EYS: variants seen among roughly 807,000 people sequenced by gnomAD.
EYS encodes protein eyes shut homolog.
In EYS, 250 loss-of-function variants were observed where a neutral mutation model predicts 282.1. The observed-to-expected ratio is 0.89, with a 90% CI of 0.80 to 0.98. EYS has a LOEUF of 0.98. Ranked by LOEUF, EYS falls within the 50% of genes least tolerant of loss-of-function variation. EYS has a pLI of 0.00. For synonymous variants in EYS, 1,355 were observed against 1,282.9 expected (o/e 1.06, Z -1.20); for missense variants, 4,016 against 3,709.0 (o/e 1.08, Z -2.15).
rs749865966 is a variant in EYS, at chr6:64,389,488, T to C, written c.5928-648A>G. 1.1e-4 allele frequency among the ~76,000 whole-genome samples: 17 copies of C among 152,308 alleles called. No homozygotes were observed. The East Asian group carries it at 2.3e-3, about 21-fold the overall frequency. ...TTTAACTAATTGTTTAATCCAGAGA[T>C]TGGCAAACTATACCCTAGGCCAAAT... On this transcript the variant is annotated intron_variant, in intron 28 of 42. Coordinates refer to ENST00000503581, the MANE Select transcript of EYS (RefSeq NM_001142800.2).
intron 13 of EYS, among the ~76,000 whole-genome samples, chr6:65,034,021 A>G (rs1772689576): frequency 6.6e-6 from 1 of 152,148 alleles, no homozygotes. Context: ...TAGATGCAGG[A>G]TATGGAGGCA....
intron 14 of EYS, among the ~76,000 whole-genome samples, chr6:64,967,499 G>A (rs1430513918): frequency 6.6e-6 from 1 of 151,998 alleles, no homozygotes; most frequent in Non-Finnish European, 1.5e-5. Context: ...TTTATTTTTA[G>A]TAGAGATGGG....
At chr6:64,527,695 T>C (rs1443864138) in intron 26 of EYS, among the ~76,000 whole-genome samples, 1 of 151,618 alleles carries the variant, frequency 6.6e-6, no homozygotes, top group Non-Finnish European at 1.5e-5. Context: ...AAAAATAACA[T>C]ATAGTAAGCA....
At chr6:65,242,244 A>AT (rs200375789) in intron 12 of EYS, among the ~76,000 whole-genome samples, 4 of 150,620 alleles carry the variant, frequency 2.7e-5, no homozygotes, top group Admixed American at 1.3e-4. Flanking sequence ...TAATTTTAGA[A>AT]TTTTTTTTTT....
chr6:64,848,217 C>A (rs1765775384), intron 19 of EYS, among the ~76,000 whole-genome samples: 1 of 151,910 alleles, frequency 6.6e-6, no homozygotes, highest in African/African-American at 2.4e-5. Context: ...GAGTGATTGG[C>A]TCATGTAACT....
chr6:64,332,072 C>T (rs1770665219), intron 29 of EYS, among the ~76,000 whole-genome samples: 1 of 152,192 alleles, frequency 6.6e-6, no homozygotes, highest in African/African-American at 2.4e-5. Context: ...AAACTGCATA[C>T]AGCTTATCAC....
chr6:64,813,296 A>G, intron 22 of EYS, 82 bp downstream of exon 22: 1 of 985,144 alleles, frequency 1.0e-6, no homozygotes, highest in Middle Eastern at 2.2e-4. Context: ...TAGTATTTAC[A>G]TTGCAGAGTG....
At chr6:64,596,602 T>G (rs968647401) in intron 24 of EYS, among the ~76,000 whole-genome samples, 1 of 151,992 alleles carries the variant, frequency 6.6e-6, no homozygotes, top group Non-Finnish European at 1.5e-5. Flanking sequence ...ATACCAAACG[T>G]TAGAGAAAGA....
chr6:64,274,481 G>GTGTTTT, intron 30 of EYS, among the ~76,000 whole-genome samples: 6 of 92,228 alleles, frequency 6.5e-5, no homozygotes, highest in East Asian at 6.4e-4. Flanking sequence ...ACGCCTGGCC[G>GTGTTTT]TTTTTTTTTT....
chr6:65,627,101 T>C (rs1766730419), intron 2 of EYS, among the ~76,000 whole-genome samples: 1 of 152,162 alleles, frequency 6.6e-6, no homozygotes, highest in South Asian at 2.1e-4. Flanking sequence ...TACCTGAAAT[T>C]GGTGCTACTG....
At chr6:65,174,768 AG>A (rs1765187122) in intron 12 of EYS, among the ~76,000 whole-genome samples, 3 of 151,482 alleles carry the variant, frequency 2.0e-5, no homozygotes, top group Middle Eastern at 3.4e-3. Context: ...AAATATAAAA[AG>A]ATGAGCACTG....
chr6:65,322,505 G>C (rs1439427072), intron 11 of EYS, among the ~76,000 whole-genome samples: 2 of 152,048 alleles, frequency 1.3e-5, no homozygotes, highest in African/African-American at 4.8e-5. Context: ...GGTGTAAGAA[G>C]TCCAGGCCAG....
At chr6:64,991,624 A>G (rs1771066923) in intron 14 of EYS, among the ~76,000 whole-genome samples, 1 of 151,662 alleles carries the variant, frequency 6.6e-6, no homozygotes, top group African/African-American at 2.4e-5. Flanking sequence ...CACTTCACTA[A>G]TTTATTACAA....
At chr6:64,183,162 G>A (rs956717295) in intron 31 of EYS, among the ~76,000 whole-genome samples, 1 of 152,132 alleles carries the variant, frequency 6.6e-6, no homozygotes, top group East Asian at 1.9e-4. Context: ...ACGATGTGAA[G>A]AAGGACATGT....
rs151285113 is a variant in EYS at position 64,078,611 on chromosome 6, G to A, written c.6571+3245C>T. Among the ~76,000 whole-genome samples the A allele has an allele frequency of 2.3e-3, 357 of 152,126 alleles. 3 individuals are homozygous for A. The highest frequency in any genetic ancestry group is 7.0e-3 in the African/African-American group (292 of 41,546). ...ACAAAAATATTTTCTCCCTTCATGG[G>A]CTCTGAAACTCTCTAGAGTAAACAG... On this transcript the variant is annotated intron_variant, in intron 32 of 42. Coordinates refer to ENST00000503581, the MANE Select transcript of EYS (RefSeq NM_001142800.2).
chr6:65,462,796 A>G (rs537476031), intron 5 of EYS, among the ~76,000 whole-genome samples: 4 of 152,230 alleles, frequency 2.6e-5, no homozygotes, highest in South Asian at 4.1e-4. Flanking sequence ...TTAAATATGT[A>G]TACTTTTTAT....
intron 31 of EYS, among the ~76,000 whole-genome samples, chr6:64,191,781 G>A (rs1283211249): frequency 7.3e-5 from 11 of 150,738 alleles, no homozygotes; most frequent in East Asian, 2.0e-4. Flanking sequence ...TAGTGCCGCA[G>A]TAAACATACG....
intron 30 of EYS, among the ~76,000 whole-genome samples, chr6:64,288,136 G>T (rs535334749): frequency 6.6e-6 from 1 of 152,262 alleles, no homozygotes; most frequent in Non-Finnish European, 1.5e-5. Context: ...ACTGTAAAAA[G>T]AAGTAGATGG....
At chr6:64,124,096 G>A (rs1773682393) in intron 31 of EYS, among the ~76,000 whole-genome samples, 1 of 152,138 alleles carries the variant, frequency 6.6e-6, no homozygotes. Flanking sequence ...GAAAAGGCAG[G>A]GAAAAGTGTA....
Sources: gnomAD v4.1 joint callset for allele counts (sites outside exome capture counted in the v4.1 genomes callset) on GRCh38, gnomAD v4.1.1 for gene constraint, MANE v1.5 for transcripts, NCBI Gene and HGNC (gene_info 2026-07-23, HGNC 2026-07-21) for gene names.